The following RUNX1 variants were observed in gnomAD, a reference collection of about 807,000 sequenced individuals.
RUNX1 encodes runt-related transcription factor 1.
Under a neutral mutation model 42.8 loss-of-function variants are expected in RUNX1, and 19 were observed. That is an observed-to-expected ratio of 0.44 (90% CI 0.31 to 0.65). RUNX1 has a LOEUF of 0.65. Ranked by LOEUF, RUNX1 falls within the 30% of genes least tolerant of loss-of-function variation. The probability of loss-of-function intolerance (pLI) is 0.07; values close to 1 mark genes in which losing one functional copy is unlikely to be tolerated. For missense variants in RUNX1, 528 were observed against 672.0 expected (o/e 0.79, Z 2.37); for synonymous variants, 271 against 289.4 (o/e 0.94, Z 0.64).
chr21:35,037,511 G>A (rs543296096), intron 2 of RUNX1, among the ~76,000 whole-genome samples: 12 of 152,148 alleles, frequency 7.9e-5, no homozygotes, highest in Non-Finnish European at 1.6e-4. Flanking sequence ...CAAGCCTTTC[G>A]CTCTGTAAGG....
At chr21:34,844,665 T>C (rs2057291112) in intron 6 of RUNX1, among the ~76,000 whole-genome samples, 1 of 152,226 alleles carries the variant, frequency 6.6e-6, no homozygotes, top group Non-Finnish European at 1.5e-5. Context: ...TCCAGCAGTG[T>C]GGAGGATGAT....
chr21:34,993,485 G>A (rs1026390588), intron 2 of RUNX1, among the ~76,000 whole-genome samples: 3 of 148,454 alleles, frequency 2.0e-5, no homozygotes, highest in African/African-American at 7.7e-5. Flanking sequence ...GACAATGTCT[G>A]TTTGTTTGTC....
At position 34,792,318 on chromosome 21, in the gene RUNX1, G is replaced by GCCCCCCCCCCC; in HGVS notation, c.1259_1260insGGGGGGGGGGG (p.Glu422GlyfsTer176). ...GGATGCGCGGCGGCGAGCGCTCGCCGCCCACCATGGAGAACTGGTAGGAGC... is the reference window on the plus strand; with the variant it reads ...GGATGCGCGGCGGCGAGCGCTCGCCGCCCCCCCCCCCCCCACCATGGAGAACTGGTAGGAGC... On this transcript the variant is annotated frameshift_variant, in exon 9 of 9. Transcript: ENST00000675419. LOFTEE classifies it high-confidence loss of function. The surrounding 1 kb of genome is among the most constrained non-coding windows in gnomAD (Gnocchi z 6.9). The GCCCCCCCCCCC allele has an allele frequency of 1.4e-6, 2 of 1,470,046 alleles. No individual in the cohort carries two copies. The highest frequency in any genetic ancestry group is 1.8e-6 in the Non-Finnish European group (2 of 1,099,418). The allele number at this position is 1,470,046 out of a possible 1,614,324, so 91.1% of individuals were successfully genotyped here.
intron 2 of RUNX1, among the ~76,000 whole-genome samples, chr21:34,964,291 A>G (rs571766572): frequency 6.6e-6 from 1 of 152,240 alleles, no homozygotes; most frequent in East Asian, 1.9e-4. Flanking sequence ...GATCGAGACC[A>G]TCCTGGCTAA....
At chr21:34,869,241 C>G (rs1010473050) in intron 5 of RUNX1, among the ~76,000 whole-genome samples, 2 of 152,162 alleles carry the variant, frequency 1.3e-5, no homozygotes, top group Non-Finnish European at 2.9e-5. Context: ...GGGGCCCTAG[C>G]TCTTCTTCCT....
Position 34,913,187 on chromosome 21 carries a change from C to T in RUNX1, c.59-20224G>A, listed in dbSNP as rs566669801. ...GATGGAGGTTGCAGTAAGCCAAGATCGTGCTACTCCACTTTAGCCTGGGCA... is the reference window on the plus strand; with the variant it reads ...GATGGAGGTTGCAGTAAGCCAAGATTGTGCTACTCCACTTTAGCCTGGGCA... On this transcript the variant is annotated intron_variant, in intron 2 of 8. Coordinates refer to ENST00000675419, the MANE Select transcript of RUNX1 (RefSeq NM_001754.5). Among the ~76,000 whole-genome samples the T allele has an allele frequency of 5.3e-5, 8 of 152,156 alleles. No homozygotes were observed. The East Asian group carries it at 1.5e-3, about 29-fold the overall frequency.
intron 2 of RUNX1, among the ~76,000 whole-genome samples, chr21:34,908,310 T>G (rs2058241500): frequency 6.6e-6 from 1 of 152,294 alleles, no homozygotes; most frequent in Admixed American, 6.5e-5. Context: ...TCCTGAAGTG[T>G]CAATCAGGAA....
intron 5 of RUNX1, among the ~76,000 whole-genome samples, chr21:34,861,397 A>G (rs1227355641): frequency 6.6e-6 from 1 of 152,174 alleles, no homozygotes; most frequent in Non-Finnish European, 1.5e-5. Flanking sequence ...CAGATCCAGG[A>G]GCAATGACAG....
chr21:34,851,308 G>C (rs139622004), intron 6 of RUNX1, among the ~76,000 whole-genome samples: 1 of 152,208 alleles, frequency 6.6e-6, no homozygotes, highest in Non-Finnish European at 1.5e-5. Flanking sequence ...TGGAGGCCTC[G>C]GCCTCTAAGG....
chr21:35,044,932 G>C (rs2059385502), intron 2 of RUNX1, among the ~76,000 whole-genome samples: 1 of 152,150 alleles, frequency 6.6e-6, no homozygotes. Context: ...TCTGCTACTG[G>C]TTGCTCCATG....
intron 2 of RUNX1, among the ~76,000 whole-genome samples, chr21:34,929,137 C>G (rs1360532360): frequency 6.6e-6 from 1 of 152,180 alleles, no homozygotes; most frequent in Non-Finnish European, 1.5e-5. Flanking sequence ...GATTACCTTT[C>G]AAATTCAGTA....
chr21:34,963,028 C>T (rs978632599), intron 2 of RUNX1, among the ~76,000 whole-genome samples: 8 of 152,312 alleles, frequency 5.3e-5, no homozygotes, highest in Middle Eastern at 3.4e-3. Context: ...GCTCCGAAGG[C>T]GGTTCTAAGG....
chr21:35,036,705 G>A (rs114629168), intron 2 of RUNX1, among the ~76,000 whole-genome samples: 15 of 152,318 alleles, frequency 9.8e-5, no homozygotes, highest in East Asian at 5.8e-4. Flanking sequence ...ACCAGTAGGC[G>A]TGTGCATCTC....
chr21:34,943,352 C>T lies in RUNX1; in HGVS notation c.59-50389G>A, dbSNP rs75090352. On this transcript the variant is annotated intron_variant, in intron 2 of 8. Transcript: ENST00000675419. Reference sequence around the variant, plus strand: ...CCAGATGTACCCATCCAGGCTCCAACATGAACCACACAATGGACCTTAGGC... The same window carrying T: ...CCAGATGTACCCATCCAGGCTCCAATATGAACCACACAATGGACCTTAGGC... Among the ~76,000 whole-genome samples, 29 of 152,246 alleles carry T rather than the reference C, an allele frequency of 1.9e-4. No homozygotes were observed. In the East Asian group the frequency reaches 5.6e-3, roughly 29 times the overall value.
intron 2 of RUNX1, among the ~76,000 whole-genome samples, chr21:34,982,421 G>A (rs565267979): frequency 1.3e-3 from 61 of 48,544 alleles, no homozygotes; most frequent in Middle Eastern, 8.6e-3. Context: ...TGTGTGTGAC[G>A]GAAAGAAAGA....
At chr21:34,847,773 G>A (rs141380849) in intron 6 of RUNX1, among the ~76,000 whole-genome samples, 550 of 152,276 alleles carry the variant, frequency 3.6e-3, no homozygotes, top group Non-Finnish European at 5.9e-3. Flanking sequence ...AGGGCAACAT[G>A]GTTGACAGGG....
At chr21:34,992,688 AG>A (rs1213563812) in intron 2 of RUNX1, among the ~76,000 whole-genome samples, 97 of 144,878 alleles carry the variant, frequency 6.7e-4, no homozygotes, top group African/African-American at 2.1e-3. Flanking sequence ...AAAAAAAAAA[AG>A]AAAAAAAAAA....
Position 34,792,315 on chromosome 21 carries a change from G to GCCCCCCCCCC in RUNX1, c.1262_1263insGGGGGGGGGG (p.Glu422GlyfsTer181). The GCCCCCCCCCC allele has an allele frequency of 1.3e-6, 2 of 1,516,760 alleles. No homozygotes were observed. The highest frequency in any genetic ancestry group is 1.8e-6 in the Non-Finnish European group (2 of 1,130,488). 94.0% of individuals were successfully genotyped at this position (1,516,760 alleles called of 1,614,324 possible). ...GCAGGATGCGCGGCGGCGAGCGCTC[G>GCCCCCCCCCC]CCGCCCACCATGGAGAACTGGTAGG... On this transcript the variant is annotated frameshift_variant, in exon 9 of 9. Transcript: ENST00000675419. LOFTEE classifies it high-confidence loss of function. The surrounding 1 kb of genome is among the most constrained non-coding windows in gnomAD (Gnocchi z 6.9).
At chr21:34,969,344 C>G (rs1439855480) in intron 2 of RUNX1, among the ~76,000 whole-genome samples, 1 of 151,958 alleles carries the variant, frequency 6.6e-6, no homozygotes, top group Admixed American at 6.6e-5. Flanking sequence ...ACAAACCCAT[C>G]TCTTCTAATC....
Sources: allele counts gnomAD v4.1 joint callset (sites outside exome capture counted in the v4.1 genomes callset), GRCh38; gene constraint gnomAD v4.1.1; non-coding constraint Gnocchi (gnomAD v3.1); transcripts MANE v1.5; gene names NCBI Gene and HGNC (gene_info 2026-07-23, HGNC 2026-07-21).